The following PIK3R6 variants were observed in gnomAD, a reference collection of about 807,000 sequenced individuals.
The protein encoded by PIK3R6 is phosphoinositide-3-kinase regulatory subunit 6, also known as phosphoinositide 3-kinase regulatory subunit 6.
In PIK3R6, 91 loss-of-function variants were observed where a neutral mutation model predicts 84.9. The observed-to-expected ratio is 1.07, with a 90% confidence interval of 0.90 to 1.28. The LOEUF (loss-of-function observed/expected upper bound fraction) is 1.28. PIK3R6 is among the 50% of genes most tolerant of loss of function. The probability of loss-of-function intolerance (pLI) is 0.00; values close to 1 mark genes in which losing one functional copy is unlikely to be tolerated. For missense variants in PIK3R6, 996 were observed against 985.1 expected (o/e 1.01, Z -0.15); for synonymous variants, 416 against 411.4 (o/e 1.01, Z -0.13).
At chr17:8,829,332 A>G (rs1225008257) in intron 10 of PIK3R6, among the ~76,000 whole-genome samples, 3 of 148,656 alleles carry the variant, frequency 2.0e-5, no homozygotes, top group Admixed American at 1.3e-4. Flanking sequence ...GCATACACCC[A>G]TGCAAGCACA....
chr17:8,838,482 C>T (rs760729076), intron 4 of PIK3R6, 82 bp downstream of exon 4: 20 of 1,270,722 alleles, frequency 1.6e-5, no homozygotes, highest in South Asian at 6.5e-5. Context: ...TGAGATATAG[C>T]GCTGCCAGGA....
intron 10 of PIK3R6, among the ~76,000 whole-genome samples, chr17:8,829,246 C>T (rs576312817): frequency 6.6e-6 from 1 of 151,384 alleles, no homozygotes; most frequent in East Asian, 1.9e-4. Context: ...GAAACACATG[C>T]ATGCACGCAT....
At position 8,833,057 on chromosome 17, in the gene PIK3R6, G is replaced by A. The variant is rs1381375354; in HGVS notation, c.646-12C>T. ...CGGCGAGGGCTGGCCTGTTGGGGAG[G>A]GGCGTCAGAGCCTGGGTCTTGGCCC... On this transcript the variant is annotated splice_polypyrimidine_tract_variant and intron_variant, in intron 8 of 19. Transcript: ENST00000619866. 1 of 1,563,800 alleles carries A rather than the reference G, an allele frequency of 6.4e-7. No homozygotes were observed.
In PIK3R6 at chr17:8,839,703, C is replaced by G. The variant is rs1597419506; in HGVS notation, c.14-6G>C. 2.6e-6 allele frequency: 4 copies of G among 1,565,626 alleles called. No homozygotes were observed. Among genetic ancestry groups the G allele is most frequent in the Non-Finnish European group, 3.5e-6 (4 of 1,154,448 alleles). ...CTGGAGGTCCAGCTCCACATCTGGG[C>G]AGTGGTAGGGGTGGGAGGAAACTCA... On this transcript the variant is annotated splice_region_variant and splice_polypyrimidine_tract_variant and intron_variant, in intron 2 of 19. Transcript: ENST00000619866. This position sits in a 1 kb window ranked among gnomAD's most constrained non-coding sequence, Gnocchi z 4.2.
intron 1 of PIK3R6, among the ~76,000 whole-genome samples, chr17:8,853,248 G>A (rs1353627590): frequency 6.6e-6 from 1 of 151,862 alleles, no homozygotes; most frequent in Non-Finnish European, 1.5e-5. Context: ...CACTTTGGGA[G>A]GCCGAGGGGG....
chr17:8,853,256 G>A (rs935874190), intron 1 of PIK3R6, among the ~76,000 whole-genome samples: 1 of 151,492 alleles, frequency 6.6e-6, no homozygotes, highest in Non-Finnish European at 1.5e-5. Flanking sequence ...GAGGCCGAGG[G>A]GGGCAGATCA....
At chr17:8,866,031 G>A (rs894356999) in intron 1 of PIK3R6, among the ~76,000 whole-genome samples, 1 of 152,136 alleles carries the variant, frequency 6.6e-6, no homozygotes, top group African/African-American at 2.4e-5. Context: ...AGACAGTGTA[G>A]GGCCTGCAGC....
Position 8,837,657 on chromosome 17 carries a change from A to G in PIK3R6, c.258+146T>C, listed in dbSNP as rs528474374. 8 of 648,394 alleles carry G rather than the reference A, an allele frequency of 1.2e-5. No homozygotes were observed. The African/African-American group carries it at 1.3e-4, about 10-fold the overall frequency. The allele number at this position is 648,394 out of a possible 1,614,324, so 40.2% of individuals were successfully genotyped here. Reference sequence around the variant, plus strand: ...CATATGGGAGGGAAAGGGGGTGGCTAGTGCTCAGAAGCCAGTTTAGGGCAG... The same window carrying G: ...CATATGGGAGGGAAAGGGGGTGGCTGGTGCTCAGAAGCCAGTTTAGGGCAG... On this transcript the variant is annotated intron_variant, in intron 5 of 19. Coordinates refer to ENST00000619866, the MANE Select transcript of PIK3R6 (RefSeq NM_001010855.4).
In PIK3R6 at chr17:8,818,052, G is replaced by C. The variant is rs764292646; in HGVS notation, c.1995+1031C>G. Among the ~76,000 whole-genome samples, 27 of 152,310 alleles carry C rather than the reference G, an allele frequency of 1.8e-4. 1 individual carries two copies. Among genetic ancestry groups the C allele is most frequent in the African/African-American group, 2.9e-4 (12 of 41,578 alleles). On this transcript the variant is annotated intron_variant, in intron 18 of 19. Coordinates refer to ENST00000619866, the MANE Select transcript of PIK3R6 (RefSeq NM_001010855.4). Reference sequence around the variant, plus strand: ...AGATAGAGAAGAGCCTGGAGGGGGAGGGGGAGGAAAGGGCTGAGTGATCCC... The same window carrying C: ...AGATAGAGAAGAGCCTGGAGGGGGACGGGGAGGAAAGGGCTGAGTGATCCC...
At chr17:8,818,927 C>T (rs192493949) in intron 18 of PIK3R6, among the ~76,000 whole-genome samples, 156 bp downstream of exon 18, 4 of 152,302 alleles carry the variant, frequency 2.6e-5, no homozygotes, top group South Asian at 2.1e-4. Flanking sequence ...GATTGAAAAG[C>T]GGATTCCTTC....
chr17:8,829,871 C>T (rs576152406), intron 9 of PIK3R6, 79 bp from the exon 10 acceptor site: 2 of 1,187,284 alleles, frequency 1.7e-6, no homozygotes, highest in East Asian at 5.2e-5. Flanking sequence ...TGCCCAGCTC[C>T]TGTGCGGGGT....
intron 12 of PIK3R6, among the ~76,000 whole-genome samples, chr17:8,827,541 ATGG>A (rs2087964711): frequency 1.3e-5 from 2 of 152,122 alleles, no homozygotes; most frequent in Admixed American, 1.3e-4. Context: ...AGAGACAAGT[ATGG>A]CTTTGACCTT....
chr17:8,867,430 C>T (rs183584885), intron 1 of PIK3R6, 99 bp downstream of exon 1: 64 of 182,328 alleles, frequency 3.5e-4, no homozygotes, highest in Middle Eastern at 2.8e-3. Context: ...GTGTTTCAGC[C>T]CCCCCAGGGG....
intron 16 of PIK3R6, 62 bp from the exon 17 acceptor site, chr17:8,821,998 C>A: frequency 7.6e-7 from 1 of 1,323,814 alleles, no homozygotes; most frequent in Non-Finnish European, 1.1e-6. Context: ...CCCATGCATC[C>A]CCACATCCAC....
Position 8,804,098 on chromosome 17 carries a change from C to T in PIK3R6, c.2051G>A (p.Arg684Lys), listed in dbSNP as rs746545859. 1 of 1,614,042 alleles carries T rather than the reference C, an allele frequency of 6.2e-7. No homozygotes were observed. The highest frequency in any genetic ancestry group is 1.1e-5 in the South Asian group (1 of 91,090). Residue 684 changes from arginine to lysine, a missense_variant, in exon 19 of 20, where the codon AGG becomes AAG. Coordinates refer to ENST00000619866, the MANE Select transcript of PIK3R6 (RefSeq NM_001010855.4). ...CTTGTCCAGCGACAGTGTCAGCAGC[C>T]TCTGGTCCCGGCTCTGGATCTGGAT... is the stretch of plus-strand genomic sequence containing the variant. ...NNIQIQSRDQ[R>K]LLTLSLDKDD...
At position 8,803,437 on chromosome 17, in the gene PIK3R6, T is replaced by A; in HGVS notation, c.2109-8A>T. The A allele has an allele frequency of 6.3e-7, 1 of 1,593,904 alleles. No homozygotes were observed. The highest frequency in any genetic ancestry group is 1.1e-5 in the South Asian group (1 of 87,278). ...CAGGGAGCAACCTCGAATCTGTGGGTGGAGAGAGACCAGCTCAGGTGACCC... is the reference window on the plus strand; with the variant it reads ...CAGGGAGCAACCTCGAATCTGTGGGAGGAGAGAGACCAGCTCAGGTGACCC... On this transcript the variant is annotated splice_polypyrimidine_tract_variant and splice_region_variant and intron_variant, in intron 19 of 19. Transcript: ENST00000619866. This position sits in a 1 kb window ranked among gnomAD's most constrained non-coding sequence, Gnocchi z 5.0.
At chr17:8,824,087 T>C (rs753801831) in intron 13 of PIK3R6, among the ~76,000 whole-genome samples, 7 of 152,156 alleles carry the variant, frequency 4.6e-5, no homozygotes, top group Admixed American at 6.5e-5. Context: ...CTGACCAACA[T>C]GGAGAAACCT....
At chr17:8,850,738 A>T (rs2088934876) in intron 1 of PIK3R6, among the ~76,000 whole-genome samples, 1 of 152,244 alleles carries the variant, frequency 6.6e-6, no homozygotes, top group South Asian at 2.1e-4. Context: ...ATAACTGGGA[A>T]AGCTAATCTA....
At chr17:8,804,404 T>C (rs2151163456) in intron 18 of PIK3R6, among the ~76,000 whole-genome samples, 1 of 152,310 alleles carries the variant, frequency 6.6e-6, no homozygotes, top group East Asian at 1.9e-4. Flanking sequence ...CAAACGGGAA[T>C]GCTGTGGATA....
Sources: allele counts gnomAD v4.1 joint callset (sites outside exome capture counted in the v4.1 genomes callset), GRCh38; gene constraint gnomAD v4.1.1; non-coding constraint Gnocchi (gnomAD v3.1); transcripts MANE v1.5; gene names NCBI Gene and HGNC (gene_info 2026-07-23, HGNC 2026-07-21).